RIMS2: variants seen among roughly 807,000 people sequenced by gnomAD.
The protein encoded by RIMS2 is regulating synaptic membrane exocytosis protein 2.
Under a neutral mutation model 174.4 loss-of-function variants are expected in RIMS2, and 59 were observed. That is an observed-to-expected ratio of 0.34 (90% CI 0.27 to 0.42). The LOEUF (loss-of-function observed/expected upper bound fraction) is 0.42, where lower values mean the gene tolerates loss of function less well. Ranked by LOEUF, RIMS2 falls within the 10% of genes least tolerant of loss-of-function variation. The pLI, the probability that RIMS2 is intolerant of heterozygous loss-of-function variation, is 1.00. For synonymous variants in RIMS2, 606 were observed against 572.5 expected, an observed-to-expected ratio of 1.06 and a Z score of -0.84; for missense variants, 1,620 against 1,666.3, an observed-to-expected ratio of 0.97 and a Z score of 0.48.
chr8:103,851,413 G>A (rs2098997201), intron 3 of RIMS2, among the ~76,000 whole-genome samples: 1 of 150,960 alleles, frequency 6.6e-6, no homozygotes, highest in African/African-American at 2.4e-5. Context: ...GATAATGTAG[G>A]AATGATTCCT....
At chr8:103,678,995 T>C (rs2096847829) in intron 1 of RIMS2, among the ~76,000 whole-genome samples, 1 of 152,024 alleles carries the variant, frequency 6.6e-6, no homozygotes, top group East Asian at 1.9e-4. Flanking sequence ...ATAAATATAA[T>C]GCAATTTTAA....
At chr8:104,056,661 T>C (rs1357249163) in intron 19 of RIMS2, among the ~76,000 whole-genome samples, 1 of 152,108 alleles carries the variant, frequency 6.6e-6, no homozygotes, top group Non-Finnish European at 1.5e-5. Flanking sequence ...GTGGGAGGAT[T>C]GCTTGAGCCC....
At chr8:104,239,825 G>A (rs967446720) in intron 19 of RIMS2, among the ~76,000 whole-genome samples, 3 of 152,108 alleles carry the variant, frequency 2.0e-5, no homozygotes, top group South Asian at 2.1e-4. Context: ...CGTTTGGCTG[G>A]GTTTTTTCTC....
At chr8:103,916,066 A>AAGGTGCTCAGTTGCAC (rs2076582038) in intron 7 of RIMS2, among the ~76,000 whole-genome samples, 1 of 152,010 alleles carries the variant, frequency 6.6e-6, no homozygotes, top group Non-Finnish European at 1.5e-5. Flanking sequence ...ACAAAAAAAC[A>AAGGTGCTCAGTTGCAC]AGGTGCTCAG....
intron 19 of RIMS2, among the ~76,000 whole-genome samples, chr8:104,231,880 C>T (rs561595500): frequency 2.0e-5 from 3 of 152,300 alleles, no homozygotes; most frequent in Non-Finnish European, 4.4e-5. Context: ...TTCAGTCCCA[C>T]TAGCCACCTT....
At chr8:103,951,213 C>T (rs2085265799) in intron 14 of RIMS2, among the ~76,000 whole-genome samples, 1 of 152,208 alleles carries the variant, frequency 6.6e-6, no homozygotes, top group East Asian at 1.9e-4. Flanking sequence ...ATTGAAGGAA[C>T]ATACTTCAAA....
At chr8:103,707,211 A>T (rs2097242983) in intron 2 of RIMS2, among the ~76,000 whole-genome samples, 1 of 152,122 alleles carries the variant, frequency 6.6e-6, no homozygotes, top group South Asian at 2.1e-4. Context: ...TCCCCAAAAT[A>T]GGTATTTTGA....
At chr8:103,784,885 T>C (rs2098426337) in intron 3 of RIMS2, among the ~76,000 whole-genome samples, 1 of 132,772 alleles carries the variant, frequency 7.5e-6, no homozygotes, top group Admixed American at 7.7e-5. Flanking sequence ...ACGATATTGA[T>C]TCTTCCTACC....
intron 1 of RIMS2, among the ~76,000 whole-genome samples, chr8:103,661,822 G>A (rs150735897): frequency 1.3e-5 from 2 of 152,258 alleles, no homozygotes; most frequent in African/African-American, 4.8e-5. Flanking sequence ...TGTTTTTTGA[G>A]CATGCCTTAC....
At chr8:104,015,352 C>G in intron 19 of RIMS2, 1 of 635,276 alleles carries the variant, frequency 1.6e-6, no homozygotes, top group Non-Finnish European at 2.8e-6. Context: ...TTGTTTTTAA[C>G]CCCTGTGCTT....
intron 3 of RIMS2, among the ~76,000 whole-genome samples, chr8:103,810,295 G>A (rs1036161208): frequency 3.3e-5 from 5 of 152,150 alleles, no homozygotes; most frequent in Admixed American, 6.5e-5. Flanking sequence ...TGACAAGGAA[G>A]GTGGGCAGGG....
chr8:103,975,671 G>A, intron 16 of RIMS2, 165 bp downstream of exon 18: 2 of 525,790 alleles, frequency 3.8e-6, no homozygotes, highest in Non-Finnish European at 3.3e-6. Context: ...CTGCAAGCTG[G>A]GGAAGGGAGA....
intron 19 of RIMS2, among the ~76,000 whole-genome samples, chr8:104,168,429 G>A (rs1566802662): frequency 6.6e-6 from 1 of 152,044 alleles, no homozygotes; most frequent in Non-Finnish European, 1.5e-5. Context: ...TGCAGCTCTT[G>A]TAAAAGGGAT....
intron 3 of RIMS2, among the ~76,000 whole-genome samples, chr8:103,804,349 G>T (rs1029532933): frequency 6.6e-6 from 1 of 152,200 alleles, no homozygotes; most frequent in Non-Finnish European, 1.5e-5. Context: ...GGGATTTGGG[G>T]ATTCTACTGA....
chr8:104,025,355 T>C (rs1447498697), intron 19 of RIMS2, among the ~76,000 whole-genome samples: 2 of 152,044 alleles, frequency 1.3e-5, no homozygotes, highest in African/African-American at 2.4e-5. Context: ...AGGCATAGTG[T>C]TGCACACCTC....
At chr8:104,076,837 T>A (rs1405376532) in intron 19 of RIMS2, among the ~76,000 whole-genome samples, 1 of 149,982 alleles carries the variant, frequency 6.7e-6, no homozygotes, top group East Asian at 1.9e-4. Context: ...TTTTTTTTTT[T>A]ACATAGTCTC....
intron 19 of RIMS2, among the ~76,000 whole-genome samples, chr8:104,204,292 C>T (rs1033301629): frequency 2.0e-5 from 3 of 152,144 alleles, no homozygotes; most frequent in South Asian, 2.1e-4. Flanking sequence ...TAATAATCTT[C>T]GTGATATTCA....
chr8:104,102,360 G>A (rs1321557732), intron 19 of RIMS2, among the ~76,000 whole-genome samples: 2 of 152,164 alleles, frequency 1.3e-5, no homozygotes, highest in South Asian at 2.1e-4. Context: ...CTTCTCCACT[G>A]GGCACAATTT....
chr8:103,859,288 G>A (rs778141965), intron 3 of RIMS2, among the ~76,000 whole-genome samples: 17 of 152,138 alleles, frequency 1.1e-4, no homozygotes, highest in Non-Finnish European at 1.9e-4. Flanking sequence ...AAAGGAAAGG[G>A]GTAAGAGAGC....
Sources: gnomAD v4.1 joint callset for allele counts (sites outside exome capture counted in the v4.1 genomes callset) on GRCh38, gnomAD v4.1.1 for gene constraint, MANE v1.5 for transcripts, NCBI Gene and HGNC (gene_info 2026-07-23, HGNC 2026-07-21) for gene names.